The following SLC25A21 variants were observed in gnomAD, a reference collection of about 807,000 sequenced individuals.
SLC25A21 encodes mitochondrial 2-oxodicarboxylate carrier.
Under a neutral mutation model 43.8 loss-of-function variants are expected in SLC25A21, and 47 were observed. The observed-to-expected ratio is 1.07, with a 90% CI of 0.85 to 1.37. The LOEUF (loss-of-function observed/expected upper bound fraction) is 1.37. Ranked by LOEUF, SLC25A21 falls within the 40% of genes most tolerant of loss-of-function variation. The pLI is 0.00. For missense variants in SLC25A21, 352 were observed against 350.2 expected, an observed-to-expected ratio of 1.00 and a Z score of -0.04; for synonymous variants, 131 against 121.3, an observed-to-expected ratio of 1.08 and a Z score of -0.52.
intron 1 of SLC25A21, among the ~76,000 whole-genome samples, chr14:36,889,956 G>A (rs900171470): frequency 6.6e-6 from 1 of 152,118 alleles, no homozygotes; most frequent in South Asian, 2.1e-4. Context: ...TTTTCTAGGT[G>A]TTGGACAAGT....
chr14:37,051,193 T>C (rs2138797816), intron 1 of SLC25A21, among the ~76,000 whole-genome samples: 1 of 152,336 alleles, frequency 6.6e-6, no homozygotes, highest in Non-Finnish European at 1.5e-5. Flanking sequence ...CGCATAAATA[T>C]TTTTAAAAGT....
chr14:36,738,070 C>T (rs764363970), intron 3 of SLC25A21, among the ~76,000 whole-genome samples: 4 of 152,156 alleles, frequency 2.6e-5, no homozygotes, highest in Non-Finnish European at 4.4e-5. Flanking sequence ...TCCCTCCAGC[C>T]AAAGTGGCTG....
chr14:36,855,859 CA>C lies in SLC25A21; in HGVS notation c.119+19096del, dbSNP rs1216994263. On this transcript the variant is annotated intron_variant, in intron 2 of 9. Coordinates refer to ENST00000331299, the MANE Select transcript of SLC25A21 (RefSeq NM_030631.4). Reference sequence around the variant, plus strand: ...CTTCCCTTAACCCAGTGGTTCTCAACAGGGGTGAAGGGTGGTTTTGTTTCCC... The same window carrying C: ...CTTCCCTTAACCCAGTGGTTCTCAACGGGGTGAAGGGTGGTTTTGTTTCCC... Among the ~76,000 whole-genome samples, 13 of 152,228 alleles carry C rather than the reference CA, an allele frequency of 8.5e-5. No individual in the cohort carries two copies. In the South Asian group the frequency reaches 1.7e-3, roughly 19 times the overall value.
At chr14:37,121,036 T>C (rs1281895838) in intron 1 of SLC25A21, among the ~76,000 whole-genome samples, 1 of 152,178 alleles carries the variant, frequency 6.6e-6, no homozygotes, top group South Asian at 2.1e-4. Context: ...AAAAGTATTA[T>C]GACCAAGGTC....
At chr14:36,913,654 T>C (rs563418948) in intron 1 of SLC25A21, among the ~76,000 whole-genome samples, 1 of 152,354 alleles carries the variant, frequency 6.6e-6, no homozygotes, top group African/African-American at 2.4e-5. Context: ...AAACAAGGGT[T>C]AAGTTTGAGT....
At chr14:36,997,160 G>A (rs529587880) in intron 1 of SLC25A21, among the ~76,000 whole-genome samples, 4 of 152,212 alleles carry the variant, frequency 2.6e-5, no homozygotes, top group African/African-American at 4.8e-5. Context: ...GATTCCCCCC[G>A]TCAATATTGT....
At chr14:37,169,750 C>A (rs1008554690) in intron 1 of SLC25A21, among the ~76,000 whole-genome samples, 2 of 151,918 alleles carry the variant, frequency 1.3e-5, no homozygotes, top group African/African-American at 4.8e-5. Context: ...ATATGATTAG[C>A]CCACATGTAC....
chr14:36,698,938 T>A (rs995099226), intron 7 of SLC25A21, among the ~76,000 whole-genome samples: 4 of 152,152 alleles, frequency 2.6e-5, no homozygotes, highest in African/African-American at 9.7e-5. Context: ...GTCAAACTCA[T>A]TCTCCGTTCA....
Position 36,680,344 on chromosome 14 carries a change from G to T in SLC25A21, c.*314C>A. On this transcript the variant is annotated 3_prime_UTR_variant, in exon 10 of 10. Coordinates refer to ENST00000331299, the MANE Select transcript of SLC25A21 (RefSeq NM_030631.4). ...CAATGAATTTTCATTGTGAAGCATT[G>T]AAGAGGAACACAGGAGACAAAGTTT... The T allele has an allele frequency of 9.8e-7, 1 of 1,018,126 alleles. No homozygotes were observed. Among genetic ancestry groups the T allele is most frequent in the Non-Finnish European group, 1.2e-6 (1 of 851,552 alleles). The allele number at this position is 1,018,126 out of a possible 1,614,324, so 63.1% of individuals were successfully genotyped here.
At chr14:36,690,160 CTGA>C (rs1882735455) in intron 7 of SLC25A21, among the ~76,000 whole-genome samples, 1 of 152,078 alleles carries the variant, frequency 6.6e-6, no homozygotes, top group African/African-American at 2.4e-5. Context: ...AGCATTTCTG[CTGA>C]TAACCATAAT....
At chr14:36,960,610 A>C (rs982271328) in intron 1 of SLC25A21, among the ~76,000 whole-genome samples, 1 of 152,052 alleles carries the variant, frequency 6.6e-6, no homozygotes, top group South Asian at 2.1e-4. Context: ...CCTTTCCCCA[A>C]CCTGCCACCT....
intron 3 of SLC25A21, among the ~76,000 whole-genome samples, chr14:36,755,039 A>T (rs1885871188): frequency 6.6e-6 from 1 of 152,214 alleles, no homozygotes; most frequent in African/African-American, 2.4e-5. Flanking sequence ...ATTTAAAATT[A>T]AAATCACACA....
chr14:36,863,960 T>C (rs866430), intron 2 of SLC25A21, among the ~76,000 whole-genome samples: 1 of 152,188 alleles, frequency 6.6e-6, no homozygotes, highest in African/African-American at 2.4e-5. Context: ...GCTACAACCC[T>C]TGCTAGCCCA....
chr14:36,864,908 C>G (rs565310417), intron 2 of SLC25A21, among the ~76,000 whole-genome samples: 1 of 152,276 alleles, frequency 6.6e-6, no homozygotes, highest in South Asian at 2.1e-4. Flanking sequence ...ACCTTCCCAG[C>G]TGCTCTGTTA....
intron 6 of SLC25A21, among the ~76,000 whole-genome samples, chr14:36,722,267 G>A (rs1300332918): frequency 6.6e-6 from 1 of 152,124 alleles, no homozygotes; most frequent in African/African-American, 2.4e-5. Context: ...TGGTTGCCAG[G>A]GATTAAGTGG....
At chr14:36,959,929 T>G (rs1024425401) in intron 1 of SLC25A21, among the ~76,000 whole-genome samples, 1 of 152,210 alleles carries the variant, frequency 6.6e-6, no homozygotes, top group African/African-American at 2.4e-5. Flanking sequence ...GATCATATAA[T>G]GTCCAGCATG....
At chr14:36,970,697 C>G (rs1959730634) in intron 1 of SLC25A21, among the ~76,000 whole-genome samples, 1 of 152,194 alleles carries the variant, frequency 6.6e-6, no homozygotes, top group Non-Finnish European at 1.5e-5. Context: ...AGATTCAAGA[C>G]TGTTCCCATT....
At chr14:36,902,339 C>A (rs1440115686) in intron 1 of SLC25A21, among the ~76,000 whole-genome samples, 2 of 152,110 alleles carry the variant, frequency 1.3e-5, no homozygotes, top group South Asian at 4.1e-4. Flanking sequence ...AGTGATTACA[C>A]AGGTAGGGTC....
At chr14:36,999,320 G>T (rs1250642558) in intron 1 of SLC25A21, among the ~76,000 whole-genome samples, 1 of 152,186 alleles carries the variant, frequency 6.6e-6, no homozygotes, top group Non-Finnish European at 1.5e-5. Context: ...ATAGCATTTT[G>T]TAAAAGGCAA....
Sources: allele counts gnomAD v4.1 joint callset (sites outside exome capture counted in the v4.1 genomes callset), GRCh38; gene constraint gnomAD v4.1.1; transcripts MANE v1.5; gene names NCBI Gene and HGNC (gene_info 2026-07-23, HGNC 2026-07-21).